Variants in VAC14 observed in about 807,000 individuals in gnomAD.
VAC14 encodes the protein VAC14 component of PIKFYVE complex.
VAC14 carries 47 observed loss-of-function variants against 85.3 expected under a neutral mutation model. The observed-to-expected ratio is 0.55, with a 90% CI of 0.44 to 0.70. The LOEUF is 0.70. VAC14 is among the 30% of genes least tolerant of loss of function. VAC14 has a pLI of 0.00. For synonymous variants in VAC14, 447 were observed against 430.5 expected (o/e 1.04, Z -0.47); for missense variants, 861 against 1,004.3 (o/e 0.86, Z 1.93).
chr16:70,796,189 C>T (rs978862882), intron 1 of VAC14, among the ~76,000 whole-genome samples: 22 of 152,182 alleles, frequency 1.4e-4, no homozygotes, highest in Non-Finnish European at 1.0e-4. Flanking sequence ...ACAACTGGAT[C>T]CCAACACTTA....
intron 12 of VAC14, 124 bp from the exon 13 acceptor site, chr16:70,744,703 G>A: frequency 5.6e-6 from 7 of 1,240,682 alleles, no homozygotes; most frequent in African/African-American, 1.5e-5. Flanking sequence ...GATGACAGCA[G>A]GCTGGGAAGA....
intron 10 of VAC14, chr16:70,766,636 T>C (rs2032837984): frequency 2.5e-6 from 1 of 404,004 alleles, no homozygotes; most frequent in Non-Finnish European, 5.0e-6. Flanking sequence ...CATGAGGCCA[T>C]GTACCAAGCA....
chr16:70,728,964 C>T (rs1195479948), intron 14 of VAC14, among the ~76,000 whole-genome samples: 4 of 152,222 alleles, frequency 2.6e-5, no homozygotes, highest in Non-Finnish European at 5.9e-5. Context: ...AATTCCCTAC[C>T]TGAAACTGGC....
chr16:70,717,585 G>C (rs1469536433), intron 14 of VAC14, among the ~76,000 whole-genome samples: 2 of 152,208 alleles, frequency 1.3e-5, no homozygotes, highest in Non-Finnish European at 2.9e-5. Flanking sequence ...CACAGAACTG[G>C]ACAAGAGCTA....
chr16:70,769,910 T>C (rs1737500266), intron 10 of VAC14: 1 of 152,390 alleles, frequency 6.6e-6, no homozygotes, highest in East Asian at 1.9e-4. Flanking sequence ...GGGAGGCTTT[T>C]AAATCCCAGA....
intron 14 of VAC14, among the ~76,000 whole-genome samples, chr16:70,719,406 G>A (rs2054236073): frequency 6.6e-6 from 1 of 152,154 alleles, no homozygotes; most frequent in East Asian, 1.9e-4. Context: ...AAGTATGTCT[G>A]TTCATCAAAG....
intron 13 of VAC14, among the ~76,000 whole-genome samples, chr16:70,743,565 G>A (rs527946554): frequency 2.5e-4 from 38 of 152,240 alleles, no homozygotes; most frequent in East Asian, 3.9e-4. Flanking sequence ...AAGAAACTCC[G>A]GACACATCTG....
intron 14 of VAC14, among the ~76,000 whole-genome samples, chr16:70,707,953 G>A (rs2053953565): frequency 6.6e-6 from 1 of 152,058 alleles, no homozygotes; most frequent in African/African-American, 2.4e-5. Flanking sequence ...ACCACACCTG[G>A]CTAATTTTTG....
In VAC14 at chr16:70,731,355, C is replaced by T. The variant is rs574707136; in HGVS notation, c.1661+140G>A. ...ACCAGTATGAAGGGGCAACCTTCTT[C>T]ATTTCTTACAGATCCAAAGGTCAGG... On this transcript the variant is annotated intron_variant, in intron 14 of 18. Coordinates refer to ENST00000261776, the MANE Select transcript of VAC14 (RefSeq NM_018052.5). 1.7e-5 allele frequency: 26 copies of T among 1,493,506 alleles called. No individual in the cohort carries two copies. The South Asian group carries it at 3.7e-4, about 22-fold the overall frequency. The allele number at this position is 1,493,506 out of a possible 1,614,324, so 92.5% of individuals were successfully genotyped here.
At chr16:70,733,702 G>T (rs958314359) in intron 13 of VAC14, among the ~76,000 whole-genome samples, 1 of 151,988 alleles carries the variant, frequency 6.6e-6, no homozygotes, top group South Asian at 2.1e-4. Flanking sequence ...CACTATGATT[G>T]TAAACTTCCT....
intron 14 of VAC14, among the ~76,000 whole-genome samples, chr16:70,710,363 C>T (rs547547749): frequency 1.6e-4 from 24 of 152,336 alleles, no homozygotes; most frequent in Admixed American, 1.3e-3. Flanking sequence ...ACAGGGTCCT[C>T]GGAGATTGAG....
chr16:70,758,850 A>C (rs2032082181), intron 12 of VAC14, among the ~76,000 whole-genome samples: 1 of 152,254 alleles, frequency 6.6e-6, no homozygotes, highest in African/African-American at 2.4e-5. Flanking sequence ...CAGGAATATT[A>C]ATTTGACACC....
intron 14 of VAC14, among the ~76,000 whole-genome samples, chr16:70,705,846 G>A (rs916913114): frequency 6.6e-6 from 1 of 152,226 alleles, no homozygotes; most frequent in African/African-American, 2.4e-5. Flanking sequence ...GCGTGCCATC[G>A]ATGGGACATC....
At chr16:70,782,028 G>C (rs1001189655) in intron 7 of VAC14, 25 bp from the exon 8 acceptor site, 1 of 1,610,588 alleles carries the variant, frequency 6.2e-7, no homozygotes, top group African/African-American at 1.3e-5. Flanking sequence ...AGGGGGTTCA[G>C]AGGGGCCAGC....
chr16:70,758,025 C>T (rs1410682126), intron 12 of VAC14, among the ~76,000 whole-genome samples: 1 of 152,140 alleles, frequency 6.6e-6, no homozygotes, highest in Admixed American at 6.5e-5. Flanking sequence ...GAAGGAAGAA[C>T]CAGAGAGGGA....
intron 14 of VAC14, among the ~76,000 whole-genome samples, chr16:70,729,225 G>C (rs898715576): frequency 6.6e-6 from 1 of 152,212 alleles, no homozygotes; most frequent in Non-Finnish European, 1.5e-5. Flanking sequence ...CCATCCCGAA[G>C]AGCTATCCGG....
intron 18 of VAC14, chr16:70,688,488 G>C: frequency 1.0e-6 from 1 of 990,674 alleles, no homozygotes; most frequent in African/African-American, 1.7e-5. Context: ...GTGGCAGCTT[G>C]GCCCTTTCTC....
In VAC14 at chr16:70,744,404, C is replaced by T. The variant is rs1345750386; in HGVS notation, c.1528+19G>A. The T allele has an allele frequency of 5.0e-6, 8 of 1,613,850 alleles. No individual in the cohort carries two copies. The highest frequency in any genetic ancestry group is 6.8e-6 in the Non-Finnish European group (8 of 1,179,966). On this transcript the variant is annotated intron_variant, in intron 13 of 18. Coordinates refer to ENST00000261776, the MANE Select transcript of VAC14 (RefSeq NM_018052.5). ...GGCACTAAGGCCCCTGAGGCTAGAACCTTCAGGAGAAGACTTACCAGAGGT... is the reference window on the plus strand; with the variant it reads ...GGCACTAAGGCCCCTGAGGCTAGAATCTTCAGGAGAAGACTTACCAGAGGT...
At chr16:70,748,670 G>C (rs753626540) in intron 12 of VAC14, among the ~76,000 whole-genome samples, 51 of 152,270 alleles carry the variant, frequency 3.3e-4, no homozygotes, top group Middle Eastern at 3.4e-3. Context: ...CACAAGGCCA[G>C]GTGCGGTGGC....
Sources: gnomAD v4.1 joint callset for allele counts (sites outside exome capture counted in the v4.1 genomes callset) on GRCh38, gnomAD v4.1.1 for gene constraint, MANE v1.5 for transcripts, NCBI Gene and HGNC (gene_info 2026-07-23, HGNC 2026-07-21) for gene names.